The following LOC112694756 variants were observed in gnomAD, a reference collection of about 807,000 sequenced individuals.
chr16:30,055,038 C>T, the LOC112694756 span: 2 of 398,752 alleles, frequency 5.0e-6, no homozygotes, highest in Non-Finnish European at 8.8e-6. Flanking sequence ...TTAGCCCTTG[C>T]ATCTATCCGT....
At chr16:30,063,489 T>C in the LOC112694756 span, among the ~76,000 whole-genome samples, 1 of 151,962 alleles carries the variant, frequency 6.6e-6, no homozygotes, top group Admixed American at 6.6e-5. Context: ...ACCCATAAAA[T>C]GGGAAGGAGA....
At chr16:30,069,894 C>G in the LOC112694756 span, 2 of 1,614,174 alleles carry the variant, frequency 1.2e-6, no homozygotes, top group Non-Finnish European at 1.7e-6. Flanking sequence ...ATGCCATTAA[C>G]AAGTGCCCCC....
the LOC112694756 span, among the ~76,000 whole-genome samples, chr16:30,057,316 G>T: frequency 6.6e-6 from 1 of 152,162 alleles, no homozygotes; most frequent in African/African-American, 2.4e-5. Context: ...GAGTAAGCTG[G>T]CTTAGGGAAG....
the LOC112694756 span, among the ~76,000 whole-genome samples, chr16:30,061,095 C>T: frequency 3.9e-5 from 6 of 152,276 alleles, no homozygotes; most frequent in Non-Finnish European, 7.3e-5. Context: ...CACAGCCATC[C>T]TGGGCCACTT....
At chr16:30,059,721 C>T in the LOC112694756 span, among the ~76,000 whole-genome samples, 306 of 151,532 alleles carry the variant, frequency 2.0e-3, no homozygotes, top group Non-Finnish European at 3.7e-3. Flanking sequence ...TGCCACCATG[C>T]CCGGCTAAAG....
the LOC112694756 span, chr16:30,059,021 C>T: frequency 5.0e-6 from 2 of 398,404 alleles, no homozygotes; most frequent in Non-Finnish European, 8.8e-6. Flanking sequence ...TATGGAGCAG[C>T]GGTTGCTCAG....
the LOC112694756 span, chr16:30,069,669 C>T: frequency 6.2e-7 from 1 of 1,613,542 alleles, no homozygotes; most frequent in Non-Finnish European, 8.5e-7. Flanking sequence ...CCCCCGCTGT[C>T]ACTGGTGAGG....
chr16:30,062,078 C>T, the LOC112694756 span, among the ~76,000 whole-genome samples: 1 of 151,540 alleles, frequency 6.6e-6, no homozygotes, highest in Non-Finnish European at 1.5e-5. Flanking sequence ...TGGCGGGCGC[C>T]TGTAATCCCA....
chr16:30,055,441 G>A, the LOC112694756 span: 8 of 398,136 alleles, frequency 2.0e-5, no homozygotes, highest in East Asian at 1.1e-4. Context: ...GGCCAGGCAC[G>A]GTTCCAGGGC....
chr16:30,061,385 G>A, the LOC112694756 span, among the ~76,000 whole-genome samples: 1 of 152,110 alleles, frequency 6.6e-6, no homozygotes, highest in Non-Finnish European at 1.5e-5. Context: ...TCCAGTGCTA[G>A]CTCAGTGGAG....
the LOC112694756 span, among the ~76,000 whole-genome samples, chr16:30,058,728 C>T: frequency 6.6e-6 from 1 of 151,910 alleles, no homozygotes. Context: ...GTGATCCGCC[C>T]GCCTTGGCCT....
the LOC112694756 span, chr16:30,068,223 C>T: frequency 4.7e-5 from 15 of 321,236 alleles, no homozygotes; most frequent in African/African-American, 1.3e-4. Flanking sequence ...CGCCACCACC[C>T]GGCTAATTTT....
the LOC112694756 span, chr16:30,069,714 G>C: frequency 1.9e-6 from 3 of 1,612,212 alleles, no homozygotes; most frequent in Non-Finnish European, 2.5e-6. Flanking sequence ...CAGTAGATAA[G>C]CTCCACCCAC....
At chr16:30,063,594 C>T in the LOC112694756 span, 1 of 397,830 alleles carries the variant, frequency 2.5e-6, no homozygotes. Context: ...TGCACTGTTC[C>T]TGGGAATGAT....
chr16:30,069,787 G>T, the LOC112694756 span: 3 of 1,613,266 alleles, frequency 1.9e-6, no homozygotes, highest in Non-Finnish European at 2.5e-6. Context: ...CAGCTTCCTG[G>T]GTCTCTGACC....
At chr16:30,064,395 G>A in the LOC112694756 span, 4 of 398,780 alleles carry the variant, frequency 1.0e-5, no homozygotes, top group Admixed American at 8.8e-5. Flanking sequence ...CACGTGATCC[G>A]AGTCCCCTCA....
chr16:30,069,924 G>A, the LOC112694756 span: 1 of 1,614,102 alleles, frequency 6.2e-7, no homozygotes, highest in Non-Finnish European at 8.5e-7. Context: ...CCTGGGCCCT[G>A]ACCTTCTCCT....
At chr16:30,069,207 G>A in the LOC112694756 span, 1 of 1,441,328 alleles carries the variant, frequency 6.9e-7, no homozygotes, top group African/African-American at 1.4e-5. Context: ...CTGAGTCCCT[G>A]GCATCATCAA....
At chr16:30,068,698 A>G in the LOC112694756 span, 1 of 1,614,226 alleles carries the variant, frequency 6.2e-7, no homozygotes, top group Non-Finnish European at 8.5e-7. Flanking sequence ...ACTACCACCC[A>G]AGGTGAGAAC....
Sources: gnomAD v4.1 joint callset for allele counts (sites outside exome capture counted in the v4.1 genomes callset) on GRCh38, gnomAD v4.1.1 for gene constraint, MANE v1.5 for transcripts.